RASA3: variants seen among roughly 807,000 people sequenced by gnomAD.
RASA3 encodes the protein ras GTPase-activating protein 3.
In RASA3, 73 loss-of-function variants were observed where a neutral mutation model predicts 110.0. The observed-to-expected ratio is 0.66, with a 90% CI of 0.55 to 0.81. The LOEUF (loss-of-function observed/expected upper bound fraction) is 0.81. Ranked by LOEUF, RASA3 falls within the 30% of genes least tolerant of loss-of-function variation. The pLI is 0.00. For synonymous variants in RASA3, 500 were observed against 451.4 expected (o/e 1.11, Z -1.37); for missense variants, 976 against 1,113.2 (o/e 0.88, Z 1.75).
chr13:114,020,008 T>G (rs796349498), intron 9 of RASA3, among the ~76,000 whole-genome samples: 768 of 27,774 alleles, frequency 0.028, 107 homozygotes, highest in Admixed American at 0.042. Flanking sequence ...GTGGAGCCTG[T>G]GTCCGAGGCA....
chr13:114,077,897 A>G, intron 1 of RASA3: 1 of 984,376 alleles, frequency 1.0e-6, no homozygotes, highest in Non-Finnish European at 1.2e-6. Flanking sequence ...AAGTGGGGGG[A>G]CAAAATGCAA....
chr13:114,101,598 C>T (rs1054243671), intron 1 of RASA3, among the ~76,000 whole-genome samples: 1 of 152,244 alleles, frequency 6.6e-6, no homozygotes, highest in African/African-American at 2.4e-5. Context: ...TTGGCAAACA[C>T]GCTTGGCTGT....
chr13:114,073,765 T>C lies in RASA3; in HGVS notation c.128A>G (p.Asp43Gly). The C allele has an allele frequency of 6.2e-7, 1 of 1,614,220 alleles. No homozygotes were observed. Among genetic ancestry groups the C allele is most frequent in the Non-Finnish European group, 8.5e-7 (1 of 1,180,042 alleles). The change falls in exon 2 of 24, where the codon GAC (aspartate) becomes GGC (glycine). Residue 43 changes from aspartate (D) to glycine (G), a missense_variant. Physicochemically the swap from Asp to Gly is moderately conservative, Grantham distance 94 (BLOSUM62 -1). Around this residue, in one of 4 missense-constraint regions of RASA3, gnomAD observed 732 missense variants for 779.7 expected, o/e 0.94. Coordinates refer to ENST00000334062, the MANE Select transcript of RASA3 (RefSeq NM_007368.4). ...TTTGGTCCTGAAAACCTCCTCCTGG[T>C]CCAGGTTCACCGTGCAGTAGCAATC... Reference protein sequence around the residue: ...MRDCYCTVNLDQEEVFRTKIV... With the variant: ...MRDCYCTVNLGQEEVFRTKIV...
intron 1 of RASA3, among the ~76,000 whole-genome samples, chr13:114,076,335 G>A (rs2079681008): frequency 6.6e-6 from 1 of 152,114 alleles, no homozygotes; most frequent in African/African-American, 2.4e-5. Flanking sequence ...ACCTCAACAC[G>A]GCGACTCTCC....
At position 114,015,239 on chromosome 13, in the gene RASA3, G is replaced by T. The variant is rs1191565673; in HGVS notation, c.1375C>A (p.Leu459Ile). The change falls in exon 14 of 24, where the codon CTC becomes ATC. Residue 459 changes from leucine to isoleucine, a missense_variant. Physicochemically the swap from Leu to Ile is conservative, Grantham distance 5 (BLOSUM62 2). Transcript: ENST00000334062. ...AAGCGCTTGGCCGCCGCCTCCCGGA[G>T]GGAGAAGAAGATGTCACACATGACG... ...PTVMCDIFFSLREAAAKRFQD... is the reference protein window; with the variant it reads ...PTVMCDIFFSIREAAAKRFQD... The T allele has an allele frequency of 1.2e-6, 2 of 1,613,144 alleles. No homozygotes were observed. Among genetic ancestry groups the T allele is most frequent in the African/African-American group, 2.7e-5 (2 of 75,062 alleles).
chr13:114,045,905 C>G (rs2079044989), intron 3 of RASA3, among the ~76,000 whole-genome samples: 1 of 148,288 alleles, frequency 6.7e-6, no homozygotes, highest in Non-Finnish European at 1.5e-5. Flanking sequence ...AAACACATCA[C>G]AAAACACTGA....
chr13:114,013,337 G>C (rs2053683433), intron 14 of RASA3, 89 bp from the exon 15 acceptor site: 2 of 896,670 alleles, frequency 2.2e-6, no homozygotes, highest in African/African-American at 3.3e-5. Context: ...GGGTCCGCAG[G>C]GAAGTCCAGC....
At chr13:114,016,095 C>T (rs530444505) in intron 13 of RASA3, 102 bp downstream of exon 13, 90 of 1,070,500 alleles carry the variant, frequency 8.4e-5, no homozygotes, top group East Asian at 1.3e-4. Flanking sequence ...CCTGCTCCCA[C>T]CCCAACCGGG....
intron 2 of RASA3, among the ~76,000 whole-genome samples, chr13:114,071,303 T>C (rs2079569492): frequency 6.6e-6 from 1 of 152,178 alleles, no homozygotes; most frequent in Admixed American, 6.5e-5. Context: ...TTTCTATTTC[T>C]AAATTCTTCT....
chr13:114,067,359 G>A (rs1323427408), intron 2 of RASA3, among the ~76,000 whole-genome samples: 10 of 152,360 alleles, frequency 6.6e-5, no homozygotes, highest in Non-Finnish European at 1.0e-4. Flanking sequence ...GCCTCCAGTC[G>A]TGTCAAGCAG....
intron 3 of RASA3, among the ~76,000 whole-genome samples, chr13:114,043,869 CCG>C (rs1491109673): frequency 3.4e-5 from 2 of 58,450 alleles, no homozygotes; most frequent in Non-Finnish European, 6.0e-5. Context: ...CTGAGCCCCC[CCG>C]CCCCGCCTCA....
At chr13:114,099,982 C>A (rs2080033669) in intron 1 of RASA3, among the ~76,000 whole-genome samples, 1 of 89,766 alleles carries the variant, frequency 1.1e-5, no homozygotes, top group Non-Finnish European at 2.2e-5. Context: ...CTCACACGCA[C>A]AGTTTTATCT....
intron 4 of RASA3, among the ~76,000 whole-genome samples, chr13:114,031,904 G>A (rs1423778677): frequency 2.6e-5 from 4 of 152,164 alleles, no homozygotes; most frequent in Admixed American, 2.6e-4. Flanking sequence ...CAGCCCTGCA[G>A]CACGTGGCCT....
chr13:114,062,450 G>A (rs1164541720), intron 2 of RASA3, among the ~76,000 whole-genome samples: 5 of 152,156 alleles, frequency 3.3e-5, no homozygotes, highest in Admixed American at 1.3e-4. Context: ...GGCCACAGCC[G>A]CCACGGAAAA....
Position 114,018,776 on chromosome 13 carries a change from G to A in RASA3, c.929C>T (p.Ser310Phe), listed in dbSNP as rs1313777984. ...YSPLRDLLLK[S>F]ADVEPVSASA... ...GTGGACAAGCACCTCCACATCCGCAGACTTCAACAGCAGGTCCCGCAGAGG... is the reference window on the plus strand; with the variant it reads ...GTGGACAAGCACCTCCACATCCGCAAACTTCAACAGCAGGTCCCGCAGAGG... The change falls in exon 10 of 24, where the codon TCT (serine) becomes TTT (phenylalanine). Residue 310 changes from serine (S) to phenylalanine (F), a missense_variant. Coordinates refer to ENST00000334062, the MANE Select transcript of RASA3 (RefSeq NM_007368.4). The A allele has an allele frequency of 6.2e-7, 1 of 1,613,348 alleles. No individual in the cohort carries two copies. Among genetic ancestry groups the A allele is most frequent in the Non-Finnish European group, 8.5e-7 (1 of 1,179,934 alleles).
intron 4 of RASA3, among the ~76,000 whole-genome samples, chr13:114,037,503 G>A (rs750997738): frequency 2.6e-5 from 4 of 152,136 alleles, no homozygotes; most frequent in African/African-American, 4.8e-5. Context: ...AGGGGCGGAC[G>A]GGAGCGTGTG....
At chr13:114,070,285 A>T (rs2079549659) in intron 2 of RASA3, among the ~76,000 whole-genome samples, 1 of 151,488 alleles carries the variant, frequency 6.6e-6, no homozygotes, top group Non-Finnish European at 1.5e-5. Context: ...GCCACCATGG[A>T]GCAAGGAGGG....
intron 2 of RASA3, among the ~76,000 whole-genome samples, chr13:114,066,175 A>C (rs1251639218): frequency 1.4e-5 from 2 of 142,410 alleles, no homozygotes; most frequent in African/African-American, 5.8e-5. Flanking sequence ...CATACCCCCC[A>C]AAAAAGAACC....
chr13:114,078,662 T>G (rs1037863121), intron 1 of RASA3, among the ~76,000 whole-genome samples: 1 of 152,180 alleles, frequency 6.6e-6, no homozygotes, highest in African/African-American at 2.4e-5. Flanking sequence ...AAAACCTGAT[T>G]TCCAACTCCA....
Sources: allele counts gnomAD v4.1 joint callset (sites outside exome capture counted in the v4.1 genomes callset), GRCh38; gene constraint gnomAD v4.1.1; regional missense constraint gnomAD v4.1.1; transcripts MANE v1.5; gene names NCBI Gene and HGNC (gene_info 2026-07-23, HGNC 2026-07-21).